The following CRHBP variants were observed in gnomAD, a reference collection of about 807,000 sequenced individuals.
The protein encoded by CRHBP is corticotropin releasing hormone binding protein, also known as corticotropin-releasing hormone-binding protein.
In CRHBP, 19 loss-of-function variants were observed where a neutral mutation model predicts 34.9. The observed-to-expected ratio is 0.55, with a 90% CI of 0.38 to 0.80. CRHBP has a LOEUF of 0.80. CRHBP is among the 30% of genes least tolerant of loss of function. The pLI, the probability that CRHBP is intolerant of heterozygous loss-of-function variation, is 0.00. For synonymous variants in CRHBP, 154 were observed against 153.4 expected (o/e 1.00, Z -0.03); for missense variants, 328 against 409.2 (o/e 0.80, Z 1.71).
intron 4 of CRHBP, among the ~76,000 whole-genome samples, chr5:76,956,496 G>A (rs1745670522): frequency 6.6e-6 from 1 of 152,234 alleles, no homozygotes; most frequent in South Asian, 2.1e-4. Context: ...AGCACTTTGG[G>A]AGGCCAAGGC....
rs576676770 is a variant in CRHBP at position 76,969,423 on chromosome 5, C to T, written c.*538C>T. 2 of 152,704 alleles carry T rather than the reference C, an allele frequency of 1.3e-5. No homozygotes were observed. The highest frequency in any genetic ancestry group is 4.1e-4 in the South Asian group (2 of 4,824). 9.5% of individuals were successfully genotyped at this position (152,704 alleles called of 1,614,324 possible). On this transcript the variant is annotated 3_prime_UTR_variant, in exon 7 of 7. Coordinates refer to ENST00000274368, the MANE Select transcript of CRHBP (RefSeq NM_001882.4). Reference sequence around the variant, plus strand: ...AACTTTGTAGCATGGAAAAAATTTTCCATCCACAAATACAAACATGAATAA... The same window carrying T: ...AACTTTGTAGCATGGAAAAAATTTTTCATCCACAAATACAAACATGAATAA...
rs369495742 is a variant in CRHBP at position 76,955,771 on chromosome 5, G to C, written c.452G>C (p.Arg151Thr). Residue 151 changes from arginine to threonine, a missense_variant, in exon 4 of 7, where the codon AGA (arginine) becomes ACA (threonine). Physicochemically the swap from Arg to Thr is moderately conservative, Grantham distance 71 (BLOSUM62 -1). This residue lies in a region of CRHBP where 173 missense variants were observed against 172.2 expected (regional missense o/e 1.00). Coordinates refer to ENST00000274368, the MANE Select transcript of CRHBP (RefSeq NM_001882.4). The part of the protein sequence containing the change: ...CESGLSRRSI[R>T]SSQNVAMIFF... ...AGTGGTCTTAGCAGGAGGAGCATCA[G>C]ATCTTCCCAGAATGTGGCCATGATC... is the stretch of plus-strand genomic sequence containing the variant. The C allele has an allele frequency of 8.1e-6, 13 of 1,614,084 alleles. No homozygotes were observed. The African/African-American group carries it at 1.5e-4, about 18-fold the overall frequency.
chr5:76,953,554 A>G (rs1317155356), intron 1 of CRHBP, 47 bp from the exon 2 acceptor site: 1 of 1,569,162 alleles, frequency 6.4e-7, no homozygotes, highest in East Asian at 2.3e-5. Context: ...CCCCTTTTTT[A>G]TCCCCAGCCC....
At chr5:76,953,531 CCCCG>C in intron 1 of CRHBP, 66 bp from the exon 2 acceptor site, 1 of 1,433,656 alleles carries the variant, frequency 7.0e-7, no homozygotes, top group Non-Finnish European at 9.6e-7. Context: ...AGGGAGGGTG[CCCCG>C]CTCCTGGTCC....
chr5:76,964,991 T>C (rs1236562207), intron 6 of CRHBP, among the ~76,000 whole-genome samples: 1 of 138,096 alleles, frequency 7.2e-6, no homozygotes, highest in African/African-American at 2.7e-5. Context: ...CCCCATAAAA[T>C]AAAAAAAAAG....
At chr5:76,957,583 A>C (rs1745703263) in intron 4 of CRHBP, among the ~76,000 whole-genome samples, 1 of 151,962 alleles carries the variant, frequency 6.6e-6, no homozygotes, top group South Asian at 2.1e-4. Flanking sequence ...ACAGAGTTTC[A>C]CCATCTTGGC....
In CRHBP at chr5:76,978,893, C is replaced by T. The variant is rs1746077631; in HGVS notation, n.468-2068C>T. ...TAACTCTAATTTGGAGGAAGTTCTA[C>T]TATAGGTAAAATGCTATCAAACAGC... On this transcript the variant is annotated intron_variant and non_coding_transcript_variant, in intron 3 of 3. Transcript: ENST00000514258. 2.6e-5 allele frequency among the ~76,000 whole-genome samples: 4 copies of T among 152,208 alleles called. No homozygotes were observed. In the South Asian group the frequency reaches 8.3e-4, roughly 31 times the overall value.
In CRHBP at chr5:76,969,021, A is replaced by G; in HGVS notation, c.*136A>G. The G allele has an allele frequency of 3.4e-6, 3 of 882,560 alleles. No individual in the cohort carries two copies. The highest frequency in any genetic ancestry group is 5.1e-6 in the Non-Finnish European group (3 of 586,716). 54.7% of individuals were successfully genotyped at this position (882,560 alleles called of 1,614,324 possible). A position where few individuals can be genotyped will look rare whatever the true frequency, so the allele number is the denominator to read the frequency against. On this transcript the variant is annotated 3_prime_UTR_variant, in exon 7 of 7. Transcript: ENST00000274368. ...CAGCCTTGAGCGCACGCGCGCACAC[A>G]CACACACACATACACACACGCATTA...
downstream of CRHBP, among the ~76,000 whole-genome samples, chr5:76,970,550 A>G (rs1212297131): frequency 1.3e-5 from 2 of 152,186 alleles, no homozygotes; most frequent in Non-Finnish European, 2.9e-5. Flanking sequence ...GGATGGATGG[A>G]TGACGGATGA....
downstream of CRHBP, among the ~76,000 whole-genome samples, chr5:76,972,104 GCTAACTGCAGCCTCAACTTC>G (rs1745956063): frequency 6.6e-6 from 1 of 152,006 alleles, no homozygotes; most frequent in Non-Finnish European, 1.5e-5. Context: ...TGCAGTGACA[GCTAACTGCAGCCTCAACTTC>G]CTGGGGTCAA....
chr5:76,964,197 A>T (rs1745824312), intron 6 of CRHBP, among the ~76,000 whole-genome samples: 3 of 152,298 alleles, frequency 2.0e-5, no homozygotes, highest in African/African-American at 7.2e-5. Context: ...GGGGGAGAGG[A>T]GTCATAAAAC....
intron 4 of CRHBP, among the ~76,000 whole-genome samples, chr5:76,957,218 G>A (rs1031943253): frequency 5.9e-5 from 9 of 151,934 alleles, no homozygotes; most frequent in Non-Finnish European, 1.0e-4. Flanking sequence ...AAACTTCCTA[G>A]AACCATCAAG....
intron 5 of CRHBP, among the ~76,000 whole-genome samples, chr5:76,961,529 G>T (rs1317974118): frequency 6.6e-6 from 1 of 152,080 alleles, no homozygotes; most frequent in East Asian, 1.9e-4. Context: ...AGAACATGAA[G>T]CCCTGTATAC....
At chr5:76,955,557 G>A (rs1745654976) in intron 3 of CRHBP, 96 bp from the exon 4 acceptor site, 7 of 1,017,004 alleles carry the variant, frequency 6.9e-6, no homozygotes, top group Admixed American at 2.2e-5. Flanking sequence ...ATGACTGAAG[G>A]CCCATTGCTG....
chr5:76,957,439 T>G (rs1204038786), intron 4 of CRHBP, among the ~76,000 whole-genome samples: 1 of 152,182 alleles, frequency 6.6e-6, no homozygotes, highest in Admixed American at 6.6e-5. Flanking sequence ...CATGCTGGAG[T>G]GCAGTGGCAC....
At position 76,958,988 on chromosome 5, in the gene CRHBP, G is replaced by A. The variant is rs140991323; in HGVS notation, c.693+99G>A. On this transcript the variant is annotated intron_variant, in intron 5 of 6. Coordinates refer to ENST00000274368, the MANE Select transcript of CRHBP (RefSeq NM_001882.4). Reference sequence around the variant, plus strand: ...AAAACCTGGACACTAGCAAATTGGCGTAGTACGTTGCTCTGATGAACTCTT... The same window carrying A: ...AAAACCTGGACACTAGCAAATTGGCATAGTACGTTGCTCTGATGAACTCTT... The A allele has an allele frequency of 4.4e-4, 551 of 1,264,258 alleles. 5 individuals carry two copies. Among genetic ancestry groups the A allele is most frequent in the South Asian group, 4.3e-3 (273 of 64,076 alleles). 78.3% of individuals were successfully genotyped at this position (1,264,258 alleles called of 1,614,324 possible). A position where few individuals can be genotyped will look rare whatever the true frequency, so the allele number is the denominator to read the frequency against.
chr5:76,954,787 C>T lies in CRHBP; in HGVS notation c.333+601C>T, dbSNP rs1322371827. Among the ~76,000 whole-genome samples the T allele has an allele frequency of 2.0e-5, 3 of 152,204 alleles. No individual in the cohort carries two copies. In the East Asian group the frequency reaches 5.8e-4, roughly 29 times the overall value. On this transcript the variant is annotated intron_variant, in intron 3 of 6. Transcript: ENST00000274368. Reference sequence around the variant, plus strand: ...GGGCAGGACAAGACCCCTAAGCTCACTGCCTCCTCGATTCCAGTCGTCAGA... The same window carrying T: ...GGGCAGGACAAGACCCCTAAGCTCATTGCCTCCTCGATTCCAGTCGTCAGA...
chr5:76,969,218 G>A lies in CRHBP; in HGVS notation c.*333G>A, dbSNP rs529627814. On this transcript the variant is annotated 3_prime_UTR_variant, in exon 7 of 7. Transcript: ENST00000274368. ...CAAAGCAACGTGCAATACAAAAATC[G>A]TATCTCAAGGGAAAATACTCAAAGA... The A allele has an allele frequency of 5.7e-5, 11 of 191,850 alleles. No individual in the cohort carries two copies. Among genetic ancestry groups the A allele is most frequent in the African/African-American group, 9.3e-5 (4 of 43,014 alleles). The allele number at this position is 191,850 out of a possible 1,614,324, so 11.9% of individuals were successfully genotyped here. A position where few individuals can be genotyped will look rare whatever the true frequency, so the allele number is the denominator to read the frequency against.
chr5:76,977,627 CCT>C (rs577265055), intron 3 of CRHBP, among the ~76,000 whole-genome samples: 93 of 152,266 alleles, frequency 6.1e-4, no homozygotes, highest in Admixed American at 1.6e-3. Context: ...TGTTTGTTCC[CCT>C]GTCTCCCTTT....
Sources: allele counts gnomAD v4.1 joint callset (sites outside exome capture counted in the v4.1 genomes callset), GRCh38; gene constraint gnomAD v4.1.1; regional missense constraint gnomAD v4.1.1; transcripts MANE v1.5; gene names NCBI Gene and HGNC (gene_info 2026-07-23, HGNC 2026-07-21).